ASAP2: variants seen among roughly 807,000 people sequenced by gnomAD.
ASAP2 encodes ArfGAP with SH3 domain, ankyrin repeat and PH domain 2.
A neutral mutation model predicts 131.4 loss-of-function variants in ASAP2; 45 were observed. The ratio of observed to expected loss-of-function variants is 0.34; its 90% CI spans 0.27 to 0.44. The LOEUF (loss-of-function observed/expected upper bound fraction) is 0.44, where lower values mean the gene tolerates loss of function less well. Among genes scored for constraint, ASAP2 ranks in the 20% least tolerant of loss-of-function variants. ASAP2 has a pLI of 1.00. For missense variants in ASAP2, 1,011 were observed against 1,297.0 expected, an observed-to-expected ratio of 0.78 and a Z score of 3.39; for synonymous variants, 510 against 503.0, an observed-to-expected ratio of 1.01 and a Z score of -0.19.
intron 2 of ASAP2, among the ~76,000 whole-genome samples, chr2:9,288,741 T>G (rs1455231182): frequency 6.6e-6 from 1 of 152,086 alleles, no homozygotes; most frequent in Admixed American, 6.5e-5. Context: ...CACCTTGGGG[T>G]AGCCTGTCTC....
chr2:9,283,919 C>T (rs1440968289), intron 2 of ASAP2, among the ~76,000 whole-genome samples: 5 of 152,164 alleles, frequency 3.3e-5, no homozygotes, highest in African/African-American at 1.2e-4. Flanking sequence ...TCCCGATGGC[C>T]CCATCTCCAG....
At chr2:9,208,204 A>C (rs921066764) in intron 1 of ASAP2, among the ~76,000 whole-genome samples, 11 of 152,150 alleles carry the variant, frequency 7.2e-5, no homozygotes, top group African/African-American at 2.7e-4. Context: ...TGCTCGGCTC[A>C]GAATAGGTTT....
In ASAP2 at chr2:9,213,237, G is replaced by A. The variant is rs111811427; in HGVS notation, c.126+6007G>A. On this transcript the variant is annotated intron_variant, in intron 1 of 27. Coordinates refer to ENST00000281419, the MANE Select transcript of ASAP2 (RefSeq NM_003887.3). ...AGAGAGGAAGCCAGCCACAGAAGAT[G>A]TGGGAATAGAACAGCTTGGGAAAAG... 6.5e-4 allele frequency among the ~76,000 whole-genome samples: 99 copies of A among 152,340 alleles called. 1 individual carries two copies. The highest frequency in any genetic ancestry group is 2.1e-3 in the African/African-American group (86 of 41,576).
chr2:9,215,790 G>C (rs1446885907), intron 1 of ASAP2, among the ~76,000 whole-genome samples: 1 of 151,710 alleles, frequency 6.6e-6, no homozygotes, highest in Non-Finnish European at 1.5e-5. Flanking sequence ...GCTGAGAAGA[G>C]TTGCACCCTA....
rs78514957 is a variant in ASAP2 at position 9,403,502 on chromosome 2, A to T, written c.*175A>T. On this transcript the variant is annotated 3_prime_UTR_variant, in exon 28 of 28. Coordinates refer to ENST00000281419, the MANE Select transcript of ASAP2 (RefSeq NM_003887.3). ...TTTACATATCAGTAATTGTTTTTAT[A>T]ATTTGTGGTTTTCATGAAACATTGC... 0.013 allele frequency: 7,761 copies of T among 577,800 alleles called. 364 individuals carry two copies. The highest frequency in any genetic ancestry group is 0.12 in the East Asian group (3,923 of 33,428). 35.8% of individuals were successfully genotyped at this position (577,800 alleles called of 1,614,324 possible).
intron 1 of ASAP2, among the ~76,000 whole-genome samples, chr2:9,242,595 A>G (rs1207087577): frequency 6.6e-6 from 1 of 152,086 alleles, no homozygotes; most frequent in Non-Finnish European, 1.5e-5. Context: ...TCATCCTGAA[A>G]CTGCTGGGGC....
intron 1 of ASAP2, among the ~76,000 whole-genome samples, chr2:9,262,404 A>G (rs553759524): frequency 5.3e-5 from 8 of 152,312 alleles, no homozygotes; most frequent in African/African-American, 1.7e-4. Context: ...ACTATTAGAT[A>G]TTGAGTGCTG....
Position 9,314,204 on chromosome 2 carries a change from G to A in ASAP2, c.346-4320G>A, listed in dbSNP as rs536494695. Reference sequence around the variant, plus strand: ...TTGCCGTGTTGGTCAGGCTGGTCTCGAACTCCTGACCTCAGGTGATCTGCC... The same window carrying A: ...TTGCCGTGTTGGTCAGGCTGGTCTCAAACTCCTGACCTCAGGTGATCTGCC... On this transcript the variant is annotated intron_variant, in intron 3 of 27. Coordinates refer to ENST00000281419, the MANE Select transcript of ASAP2 (RefSeq NM_003887.3). Among the ~76,000 whole-genome samples the A allele has an allele frequency of 2.3e-3, 349 of 152,118 alleles. 3 individuals are homozygous for A. Among genetic ancestry groups the A allele is most frequent in the African/African-American group, 8.1e-3 (336 of 41,490 alleles).
intron 2 of ASAP2, among the ~76,000 whole-genome samples, chr2:9,287,389 A>G (rs1667533376): frequency 6.6e-6 from 1 of 152,224 alleles, no homozygotes; most frequent in Admixed American, 6.5e-5. Flanking sequence ...TTGTTTCATT[A>G]TTTAGTTGTA....
At position 9,392,654 on chromosome 2, in the gene ASAP2, G is replaced by A. The variant is rs1254989950; in HGVS notation, c.2519-828G>A. On this transcript the variant is annotated intron_variant, in intron 23 of 27. Coordinates refer to ENST00000281419, the MANE Select transcript of ASAP2 (RefSeq NM_003887.3). The surrounding 1 kb of genome is among the most constrained non-coding windows in gnomAD (Gnocchi z 4.0). ...TAAATTGGAAAAAGGAAACAATAAT[G>A]ATAAAAAGAAAGATCATAAGCTGGA... 6.6e-6 allele frequency among the ~76,000 whole-genome samples: 1 copy of A among 152,198 alleles called. No homozygotes were observed. The highest frequency in any genetic ancestry group is 1.5e-5 in the Non-Finnish European group (1 of 68,038).
rs987747904 is a variant in ASAP2 at position 9,217,341 on chromosome 2, T to C, written c.126+10111T>C. Among the ~76,000 whole-genome samples the C allele has an allele frequency of 2.6e-5, 4 of 152,212 alleles. No homozygotes were observed. Among genetic ancestry groups the C allele is most frequent in the African/African-American group, 7.2e-5 (3 of 41,458 alleles). On this transcript the variant is annotated intron_variant, in intron 1 of 27. Coordinates refer to ENST00000281419, the MANE Select transcript of ASAP2 (RefSeq NM_003887.3). This position sits in a 1 kb window ranked among gnomAD's most constrained non-coding sequence, Gnocchi z 4.0. ...TTCTTTCCTCTCCTCACTGCTCTGCTGACATGCCCAGCCCCACGGAGCAGA... is the reference window on the plus strand; with the variant it reads ...TTCTTTCCTCTCCTCACTGCTCTGCCGACATGCCCAGCCCCACGGAGCAGA...
intron 1 of ASAP2, among the ~76,000 whole-genome samples, chr2:9,261,028 G>A (rs1665543073): frequency 6.6e-6 from 1 of 152,044 alleles, no homozygotes; most frequent in South Asian, 2.1e-4. Flanking sequence ...GCTGGGAGCC[G>A]TATGACAGCC....
chr2:9,352,236 CACACACACACAA>C lies in ASAP2; in HGVS notation c.1111+1352_1111+1363del, dbSNP rs1440465880. ...AAACACACACACACACACACACACA[CACACACACACAA>C]ACACACACACCACTGCTGGGATACC... On this transcript the variant is annotated intron_variant, in intron 12 of 27. Transcript: ENST00000281419. 6.3e-5 allele frequency among the ~76,000 whole-genome samples: 5 copies of C among 78,814 alleles called. 1 individual carries two copies. Among genetic ancestry groups the C allele is most frequent in the South Asian group, 5.3e-4 (1 of 1,896 alleles). The allele number at this position is 78,814 out of a possible 152,430, so 51.7% of individuals were successfully genotyped here.
At chr2:9,351,406 A>G (rs1342341692) in intron 12 of ASAP2, among the ~76,000 whole-genome samples, 1 of 152,218 alleles carries the variant, frequency 6.6e-6, no homozygotes, top group East Asian at 1.9e-4. Context: ...GGCGTTCACA[A>G]AAGAATCCCC....
At chr2:9,329,346 TCC>T (rs1670682405) in intron 7 of ASAP2, among the ~76,000 whole-genome samples, 1 of 152,226 alleles carries the variant, frequency 6.6e-6, no homozygotes, top group Non-Finnish European at 1.5e-5. Flanking sequence ...TTGTATGCAC[TCC>T]TGTGATCTGC....
At chr2:9,310,905 A>C (rs1463967101) in intron 3 of ASAP2, among the ~76,000 whole-genome samples, 1 of 152,242 alleles carries the variant, frequency 6.6e-6, no homozygotes, top group Non-Finnish European at 1.5e-5. Flanking sequence ...CTGTGACATT[A>C]GCATAATGAT....
chr2:9,395,682 A>G (rs890671877), intron 24 of ASAP2, among the ~76,000 whole-genome samples: 5 of 126,780 alleles, frequency 3.9e-5, no homozygotes, highest in African/African-American at 1.2e-4. Flanking sequence ...ATCTTGGCTC[A>G]CTGCAAGTTC....
rs549140207 is a variant in ASAP2 at position 9,311,402 on chromosome 2, G to A, written c.346-7122G>A. On this transcript the variant is annotated intron_variant, in intron 3 of 27. Transcript: ENST00000281419. This position sits in a 1 kb window ranked among gnomAD's most constrained non-coding sequence, Gnocchi z 5.2. The stretch of plus-strand genomic sequence containing the variant: ...AAGTTTGCCTGCTTGTTGGTCCAAC[G>A]TTAATAGCAGTGATTAAGATTAATA... Among the ~76,000 whole-genome samples the A allele has an allele frequency of 5.3e-5, 8 of 152,028 alleles. No individual in the cohort carries two copies. The South Asian group carries it at 1.2e-3, about 24-fold the overall frequency.
At chr2:9,261,266 G>A (rs909987181) in intron 1 of ASAP2, among the ~76,000 whole-genome samples, 1 of 152,224 alleles carries the variant, frequency 6.6e-6, no homozygotes, top group African/African-American at 2.4e-5. Flanking sequence ...CTGTTGGGAA[G>A]TGGGAGGGGG....
Sources: gnomAD v4.1 joint callset for allele counts (sites outside exome capture counted in the v4.1 genomes callset) on GRCh38, gnomAD v4.1.1 for gene constraint, Gnocchi (gnomAD v3.1) non-coding constraint, MANE v1.5 for transcripts, NCBI Gene and HGNC (gene_info 2026-07-23, HGNC 2026-07-21) for gene names.